The following ADAMTSL1 variants were observed in gnomAD, a reference collection of about 807,000 sequenced individuals.
ADAMTSL1 encodes ADAMTS-like protein 1.
A neutral mutation model predicts 201.8 loss-of-function variants in ADAMTSL1; 126 were observed. The observed-to-expected ratio is 0.62, with a 90% CI of 0.54 to 0.72. The LOEUF (loss-of-function observed/expected upper bound fraction) is 0.72, where lower values mean the gene tolerates loss of function less well. Ranked by LOEUF, ADAMTSL1 falls within the 30% of genes least tolerant of loss-of-function variation. ADAMTSL1 has a pLI of 0.00. For missense variants in ADAMTSL1, 2,679 were observed against 2,277.8 expected, an observed-to-expected ratio of 1.18 and a Z score of -3.59; for synonymous variants, 1,121 against 903.4, an observed-to-expected ratio of 1.24 and a Z score of -4.32.
At chr9:18,872,841 G>C (rs181401818) in intron 23 of ADAMTSL1, among the ~76,000 whole-genome samples, 1 of 152,064 alleles carries the variant, frequency 6.6e-6, no homozygotes, top group Non-Finnish European at 1.5e-5. Context: ...ACTTGTTTTC[G>C]TCTGGGTGGA....
Position 18,177,820 on chromosome 9 carries a change from C to T in ADAMTSL1, c.207+13839C>T, listed in dbSNP as rs866516769. Among the ~76,000 whole-genome samples, 4 of 152,184 alleles carry T rather than the reference C, an allele frequency of 2.6e-5. No homozygotes were observed. The South Asian group carries it at 6.2e-4, about 24-fold the overall frequency. On this transcript the variant is annotated intron_variant, in intron 2 of 29. Transcript: ENST00000680146. ...GTGCAGGGGAATCTGGGCAGCCATA[C>T]AGCTAGCTTAAGGAAGAAGGGAGAA...
chr9:18,397,374 G>A (rs78087374), intron 2 of ADAMTSL1, among the ~76,000 whole-genome samples: 5,129 of 152,056 alleles, frequency 0.034, 95 homozygotes, highest in Middle Eastern at 0.071. Context: ...TTGAGTCTAT[G>A]ATACCATTGA....
At chr9:18,267,795 C>A (rs1010512215) in intron 2 of ADAMTSL1, among the ~76,000 whole-genome samples, 43 of 117,366 alleles carry the variant, frequency 3.7e-4, no homozygotes, top group Non-Finnish European at 6.1e-4. Flanking sequence ...AACAAAAAAA[C>A]CTTAATCTGA....
chr9:18,751,586 A>G (rs1020766721), intron 15 of ADAMTSL1, among the ~76,000 whole-genome samples: 2 of 152,178 alleles, frequency 1.3e-5, no homozygotes, highest in South Asian at 2.1e-4. Context: ...AACATTAACT[A>G]TCTAAAAGGT....
chr9:18,236,661 T>C (rs1343652119), intron 2 of ADAMTSL1, among the ~76,000 whole-genome samples: 1 of 152,220 alleles, frequency 6.6e-6, no homozygotes, highest in African/African-American at 2.4e-5. Flanking sequence ...TCAGTATCTA[T>C]TGATACAATC....
chr9:18,447,290 A>G (rs933112946), intron 2 of ADAMTSL1, among the ~76,000 whole-genome samples: 1 of 152,196 alleles, frequency 6.6e-6, no homozygotes, highest in Non-Finnish European at 1.5e-5. Context: ...CTACAGAGCA[A>G]AGAGAGCCTG....
At chr9:18,838,243 G>A (rs962881600) in intron 23 of ADAMTSL1, among the ~76,000 whole-genome samples, 4 of 151,962 alleles carry the variant, frequency 2.6e-5, no homozygotes, top group South Asian at 4.2e-4. Flanking sequence ...AGAACAGCAT[G>A]GGAAAGACCT....
chr9:18,826,522 C>T, intron 22 of ADAMTSL1, 59 bp downstream of exon 22: 1 of 1,546,266 alleles, frequency 6.5e-7, no homozygotes, highest in African/African-American at 1.4e-5. Context: ...CTATCTAACC[C>T]ACCCTCTACC....
At chr9:18,393,713 G>T (rs1265528686) in intron 2 of ADAMTSL1, among the ~76,000 whole-genome samples, 1 of 152,162 alleles carries the variant, frequency 6.6e-6, no homozygotes. Flanking sequence ...TCTGAAAATG[G>T]CAGTGCCTTA....
At chr9:18,605,680 T>A (rs922553324) in intron 4 of ADAMTSL1, among the ~76,000 whole-genome samples, 1 of 152,230 alleles carries the variant, frequency 6.6e-6, no homozygotes, top group Non-Finnish European at 1.5e-5. Flanking sequence ...GGTACTATAA[T>A]CTTGAACACT....
At chr9:17,938,035 C>A (rs1255671520) in intron 1 of ADAMTSL1, among the ~76,000 whole-genome samples, 1 of 151,916 alleles carries the variant, frequency 6.6e-6, no homozygotes, top group Non-Finnish European at 1.5e-5. Context: ...GATTTTTTTC[C>A]CCCTTGAAAT....
chr9:18,477,234 T>A (rs532241116), intron 1 of ADAMTSL1, among the ~76,000 whole-genome samples: 13 of 152,256 alleles, frequency 8.5e-5, no homozygotes, highest in African/African-American at 3.1e-4. Context: ...AAATCACTTC[T>A]TGTCAGAAAG....
chr9:18,089,651 T>C (rs972126325), intron 1 of ADAMTSL1, among the ~76,000 whole-genome samples: 2 of 152,304 alleles, frequency 1.3e-5, no homozygotes, highest in East Asian at 1.9e-4. Flanking sequence ...CATTATGCTA[T>C]GAAATAAGCC....
chr9:18,670,081 C>G (rs72688669), intron 9 of ADAMTSL1, among the ~76,000 whole-genome samples: 2,180 of 152,246 alleles, frequency 0.014, 79 homozygotes, highest in East Asian at 0.13. Flanking sequence ...TTCTATTGCC[C>G]TGAGGTTGTC....
At position 18,119,115 on chromosome 9, in the gene ADAMTSL1, G is replaced by A. The variant is rs151314693; in HGVS notation, c.88-44747G>A. 1.8e-3 allele frequency among the ~76,000 whole-genome samples: 279 copies of A among 152,162 alleles called. 2 individuals carry two copies. The highest frequency in any genetic ancestry group is 6.5e-3 in the African/African-American group (271 of 41,510). On this transcript the variant is annotated intron_variant, in intron 1 of 29. Coordinates refer to the ADAMTSL1 transcript ENST00000680146. ...ATCATTGTATCCATTTCATTAATTT[G>A]TGAGAACGGTATGAACTAATATTTT...
At chr9:18,331,597 T>A (rs1302449152) in intron 2 of ADAMTSL1, among the ~76,000 whole-genome samples, 1 of 152,170 alleles carries the variant, frequency 6.6e-6, no homozygotes, top group African/African-American at 2.4e-5. Flanking sequence ...CTGTACTAAT[T>A]TTATCTCTGG....
intron 2 of ADAMTSL1, among the ~76,000 whole-genome samples, chr9:18,398,127 T>C (rs912901575): frequency 6.6e-6 from 1 of 152,154 alleles, no homozygotes; most frequent in African/African-American, 2.4e-5. Context: ...AGAGCCACAA[T>C]AGACTATCAT....
chr9:18,003,586 G>C (rs1819697433), intron 1 of ADAMTSL1, among the ~76,000 whole-genome samples: 7 of 152,074 alleles, frequency 4.6e-5, no homozygotes, highest in Admixed American at 4.6e-4. Context: ...TTGTAGTGTG[G>C]ATGCTTGATG....
intron 1 of ADAMTSL1, among the ~76,000 whole-genome samples, chr9:18,488,214 G>C (rs1822094030): frequency 6.6e-6 from 1 of 152,124 alleles, no homozygotes; most frequent in Non-Finnish European, 1.5e-5. Context: ...GAGAGAGTCT[G>C]TATGTTTGTC....
Sources: allele counts gnomAD v4.1 joint callset (sites outside exome capture counted in the v4.1 genomes callset), GRCh38; gene constraint gnomAD v4.1.1; transcripts MANE v1.5; gene names NCBI Gene and HGNC (gene_info 2026-07-23, HGNC 2026-07-21).